The following SLC9A3 variants were observed in gnomAD, a reference collection of about 807,000 sequenced individuals.
The protein encoded by SLC9A3 is sodium/hydrogen exchanger 3.
A neutral mutation model predicts 86.8 loss-of-function variants in SLC9A3; 37 were observed. The observed-to-expected ratio is 0.43, with a 90% CI of 0.33 to 0.56. SLC9A3 has a LOEUF of 0.56. Among genes scored for constraint, SLC9A3 ranks in the 20% least tolerant of loss-of-function variants. The pLI is 0.06. For synonymous variants in SLC9A3, 581 were observed against 528.3 expected (o/e 1.10, Z -1.37); for missense variants, 1,011 against 1,171.9 (o/e 0.86, Z 2.00).
At chr5:520,904 C>T (rs1252181614) in intron 1 of SLC9A3, among the ~76,000 whole-genome samples, 2 of 152,172 alleles carry the variant, frequency 1.3e-5, no homozygotes, top group Non-Finnish European at 2.9e-5. Flanking sequence ...AAAGCCTGGC[C>T]CAGGGTTCCC....
intron 1 of SLC9A3, among the ~76,000 whole-genome samples, chr5:521,611 T>C (rs1733886794): frequency 2.0e-5 from 3 of 151,998 alleles, no homozygotes; most frequent in Admixed American, 1.3e-4. Flanking sequence ...GGCCAACCCC[T>C]GACCATTTTA....
rs939898494 is a variant in SLC9A3, at chr5:473,256, C to T, written c.*123G>A. The T allele has an allele frequency of 1.5e-5, 16 of 1,094,592 alleles. No individual in the cohort carries two copies. Among genetic ancestry groups the T allele is most frequent in the Admixed American group, 4.5e-5 (1 of 22,338 alleles). 67.8% of individuals were successfully genotyped at this position (1,094,592 alleles called of 1,614,324 possible). Reference sequence around the variant, plus strand: ...AGGCGCTGGCGTGGGCGAGGCGGGGCTCGGGGCTCGCGGTCGCTGTAGCCG... The same window carrying T: ...AGGCGCTGGCGTGGGCGAGGCGGGGTTCGGGGCTCGCGGTCGCTGTAGCCG... On this transcript the variant is annotated 3_prime_UTR_variant, in exon 17 of 17. Transcript: ENST00000264938.
chr5:480,082 C>A, intron 9 of SLC9A3, 117 bp from the exon 10 acceptor site: 1 of 1,188,260 alleles, frequency 8.4e-7, no homozygotes, highest in Non-Finnish European at 1.2e-6. Context: ...CCTGTAGGCG[C>A]GTTTAAAATG....
intron 1 of SLC9A3, among the ~76,000 whole-genome samples, chr5:494,720 C>G (rs1241849878): frequency 6.6e-6 from 1 of 152,212 alleles, no homozygotes; most frequent in Non-Finnish European, 1.5e-5. Context: ...CGCAGGCTGA[C>G]CCGCGCCTCT....
rs1411391594 is a variant in SLC9A3 at position 474,957 on chromosome 5, C to G, written c.2427G>C (p.Lys809Asn). 1.2e-6 allele frequency: 2 copies of G among 1,609,704 alleles called. No homozygotes were observed. Among genetic ancestry groups the G allele is most frequent in the Non-Finnish European group, 8.5e-7 (1 of 1,178,690 alleles). ...CRLMPFRLSS[K>N]SVDSFLQADG... ...CTGCCTGCAGGAAGGAGTCCACGGA[C>G]TTGCTGCTGAGGCGGAAGGGCATCA... The change falls in exon 16 of 17, where the codon AAG (lysine) becomes AAC (asparagine). Residue 809 changes from lysine to asparagine, a missense_variant. Around this residue, in one of 3 missense-constraint regions of SLC9A3, gnomAD observed 397 missense variants for 346.3 expected, o/e 1.15. Coordinates refer to ENST00000264938, the MANE Select transcript of SLC9A3 (RefSeq NM_004174.4).
rs1468493822 is a variant in SLC9A3 at position 471,706 on chromosome 5, C to G, written c.*1673G>C. 2.3e-6 allele frequency: 1 copy of G among 442,884 alleles called. No individual in the cohort carries two copies. Among genetic ancestry groups the G allele is most frequent in the Admixed American group, 2.4e-5 (1 of 41,006 alleles). 27.4% of individuals were successfully genotyped at this position (442,884 alleles called of 1,614,324 possible). On this transcript the variant is annotated 3_prime_UTR_variant, in exon 17 of 17. Transcript: ENST00000264938. ...AATGGCTACGAAGTGTGGAGAATAA[C>G]CACTGAATCCCAAAAAGTCACTGCG... is the stretch of plus-strand genomic sequence containing the variant.
Position 479,976 on chromosome 5 carries a change from A to AG in SLC9A3, c.1518-12dup, listed in dbSNP as rs1739055718. On this transcript the variant is annotated splice_polypyrimidine_tract_variant and intron_variant, in intron 9 of 16. Coordinates refer to ENST00000264938, the MANE Select transcript of SLC9A3 (RefSeq NM_004174.4). ...TCGAAGTGGGACCACCTGTAGGGAC[A>AG]GACCTTGGGTGTGAGCCTCAGGTGA... 27 of 1,611,020 alleles carry AG rather than the reference A, an allele frequency of 1.7e-5. No homozygotes were observed. Among genetic ancestry groups the AG allele is most frequent in the Non-Finnish European group, 2.1e-5 (25 of 1,177,814 alleles).
Position 483,166 on chromosome 5 carries a change from C to T in SLC9A3, c.1153+96G>A, listed in dbSNP as rs1003936131. 3 of 962,374 alleles carry T rather than the reference C, an allele frequency of 3.1e-6. No homozygotes were observed. In the African/African-American group the frequency reaches 5.0e-5, roughly 16 times the overall value. 59.6% of individuals were successfully genotyped at this position (962,374 alleles called of 1,614,324 possible). On this transcript the variant is annotated intron_variant, in intron 6 of 16. Coordinates refer to ENST00000264938, the MANE Select transcript of SLC9A3 (RefSeq NM_004174.4). ...CTCCTCTGCCTTGCACGGGGCTGCACCTCCATCTCCCTGGGCCCAGTAGAA... is the reference window on the plus strand; with the variant it reads ...CTCCTCTGCCTTGCACGGGGCTGCATCTCCATCTCCCTGGGCCCAGTAGAA...
rs77518530 is a variant in SLC9A3 at position 483,928 on chromosome 5, C to G, written c.933-446G>C. The stretch of plus-strand genomic sequence containing the variant: ...GGGACACTGCTCTGAAGGTCCCGCG[C>G]TAGGACAGAGGGCAGGGGAGGCCCT... On this transcript the variant is annotated intron_variant, in intron 5 of 16. Transcript: ENST00000264938. 1.5e-3 allele frequency among the ~76,000 whole-genome samples: 232 copies of G among 152,412 alleles called. 4 individuals are homozygous for G. The East Asian group carries it at 0.043, about 28-fold the overall frequency.
At chr5:505,021 G>T (rs1054712927) in intron 1 of SLC9A3, among the ~76,000 whole-genome samples, 1 of 151,778 alleles carries the variant, frequency 6.6e-6, no homozygotes, top group Non-Finnish European at 1.5e-5. Flanking sequence ...TGCTTTCCCT[G>T]TGCAAATGGG....
At position 476,531 on chromosome 5, in the gene SLC9A3, C is replaced by G. The variant is rs201358916; in HGVS notation, c.1890+12G>C. ...CTGCGGGGTCCTCCAGCCCCCAGCC[C>G]GCAGTGCCCACCTCCTGCCGCGGCT... On this transcript the variant is annotated intron_variant, in intron 12 of 16. Transcript: ENST00000264938. 373 of 1,609,942 alleles carry G rather than the reference C, an allele frequency of 2.3e-4. No individual in the cohort carries two copies. In the African/African-American group the frequency reaches 4.2e-3, roughly 18 times the overall value.
intron 1 of SLC9A3, among the ~76,000 whole-genome samples, chr5:501,684 G>T (rs1740285431): frequency 6.6e-6 from 1 of 152,248 alleles, no homozygotes; most frequent in African/African-American, 2.4e-5. Context: ...GTCCAGCAGA[G>T]CTCGCCAGCA....
intron 14 of SLC9A3, among the ~76,000 whole-genome samples, 161 bp from the exon 15 acceptor site, chr5:475,832 G>A (rs1423480467): frequency 6.6e-6 from 1 of 152,072 alleles, no homozygotes; most frequent in Non-Finnish European, 1.5e-5. Context: ...CCACTTAGAG[G>A]GCAGTGTCCC....
intron 11 of SLC9A3, 114 bp from the exon 12 acceptor site, chr5:476,786 G>C (rs1183593159): frequency 7.6e-7 from 1 of 1,321,630 alleles, no homozygotes; most frequent in Non-Finnish European, 1.0e-6. Flanking sequence ...CGTGCCCCTC[G>C]CCTTCCCATG....
chr5:473,607 C>A (rs1459200648), intron 16 of SLC9A3, among the ~76,000 whole-genome samples: 1 of 152,172 alleles, frequency 6.6e-6, no homozygotes, highest in Admixed American at 6.5e-5. Context: ...CACGTCCCCC[C>A]GCCGGGGGTC....
chr5:489,351 C>G (rs975337060), intron 2 of SLC9A3, among the ~76,000 whole-genome samples: 1 of 152,176 alleles, frequency 6.6e-6, no homozygotes, highest in African/African-American at 2.4e-5. Flanking sequence ...CGAGTCCCCC[C>G]GCACAGCTGC....
intron 1 of SLC9A3, among the ~76,000 whole-genome samples, chr5:517,426 C>T (rs990235842): frequency 4.0e-5 from 6 of 151,890 alleles, no homozygotes; most frequent in Non-Finnish European, 8.8e-5. Flanking sequence ...TCCATCAATC[C>T]ACCCATCCAA....
At chr5:475,698 C>G (rs1285376545) in intron 14 of SLC9A3, 27 bp from the exon 15 acceptor site, 3 of 1,223,282 alleles carry the variant, frequency 2.5e-6, no homozygotes, top group Non-Finnish European at 1.2e-6. Flanking sequence ...GGGGTGAGGA[C>G]TGGGGTCACT....
intron 1 of SLC9A3, among the ~76,000 whole-genome samples, chr5:504,744 G>A (rs11950405): frequency 0.21 from 32,187 of 152,098 alleles, 3,823 homozygotes; most frequent in Non-Finnish European, 0.26. Context: ...GGGCTGAAGG[G>A]GAAGGGGTGT....
Sources: allele counts gnomAD v4.1 joint callset (sites outside exome capture counted in the v4.1 genomes callset), GRCh38; gene constraint gnomAD v4.1.1; regional missense constraint gnomAD v4.1.1; transcripts MANE v1.5; gene names NCBI Gene and HGNC (gene_info 2026-07-23, HGNC 2026-07-21).